Variants in ENTREP1 observed in about 807,000 individuals in gnomAD.
ENTREP1 encodes Friedreich ataxia region gene X123.
the ENTREP1 span, among the ~76,000 whole-genome samples, chr9:69,378,756 C>CAA: frequency 8.9e-3 from 1,239 of 139,304 alleles, 19 homozygotes; most frequent in African/African-American, 0.029. Context: ...GACTTTGTCT[C>CAA]AAAAAAAAAA....
chr9:69,383,023 G>A, the ENTREP1 span: 7 of 983,922 alleles, frequency 7.1e-6, no homozygotes, highest in African/African-American at 1.7e-5. Flanking sequence ...TTCTGTCAAC[G>A]TTGGTGAAAA....
chr9:69,347,269 A>T, the ENTREP1 span, among the ~76,000 whole-genome samples: 1 of 152,224 alleles, frequency 6.6e-6, no homozygotes, highest in African/African-American at 2.4e-5. Flanking sequence ...GAAGCTCAGC[A>T]GTAGGTATCT....
chr9:69,366,385 G>GTT, the ENTREP1 span, among the ~76,000 whole-genome samples: 211 of 139,556 alleles, frequency 1.5e-3, no homozygotes, highest in Admixed American at 2.9e-3. Flanking sequence ...TCCAACTGGG[G>GTT]TTTTTTTTTT....
At chr9:69,383,369 A>G in the ENTREP1 span, 35 of 1,245,364 alleles carry the variant, frequency 2.8e-5, no homozygotes, top group South Asian at 1.9e-5. Context: ...CTGTGTCTCT[A>G]TGGATTGTTT....
At chr9:69,391,641 A>G in the ENTREP1 span, 2 of 1,614,056 alleles carry the variant, frequency 1.2e-6, no homozygotes, top group African/African-American at 1.3e-5. Flanking sequence ...AGGGCCCACA[A>G]GCTGCCCTCG....
At chr9:69,374,141 G>A in the ENTREP1 span, among the ~76,000 whole-genome samples, 4 of 152,070 alleles carry the variant, frequency 2.6e-5, no homozygotes, top group East Asian at 7.7e-4. Context: ...GACTTATTTT[G>A]CCCAGTGTAA....
At chr9:69,353,216 A>G in the ENTREP1 span, among the ~76,000 whole-genome samples, 10 of 152,224 alleles carry the variant, frequency 6.6e-5, no homozygotes, top group Non-Finnish European at 1.2e-4. Context: ...CTCTCTCAGA[A>G]TGAAGTTCAC....
the ENTREP1 span, among the ~76,000 whole-genome samples, chr9:69,344,219 G>C: frequency 6.6e-6 from 1 of 152,184 alleles, no homozygotes; most frequent in African/African-American, 2.4e-5. Flanking sequence ...AAATTCATGT[G>C]TTGTCATGAA....
the ENTREP1 span, among the ~76,000 whole-genome samples, chr9:69,366,301 C>G: frequency 1.3e-5 from 2 of 150,864 alleles, no homozygotes; most frequent in African/African-American, 4.9e-5. Flanking sequence ...TTTTCACAAC[C>G]CTGTTAACCA....
chr9:69,391,703 T>G, the ENTREP1 span: 1 of 1,614,016 alleles, frequency 6.2e-7, no homozygotes, highest in Non-Finnish European at 8.5e-7. Context: ...CCTTCACACC[T>G]TCACACCAGC....
the ENTREP1 span, among the ~76,000 whole-genome samples, chr9:69,375,124 C>T: frequency 6.6e-6 from 1 of 152,204 alleles, no homozygotes; most frequent in African/African-American, 2.4e-5. Context: ...TCCAGAGGTG[C>T]CAGGTAGCTG....
the ENTREP1 span, chr9:69,392,206 C>T: frequency 4.6e-6 from 1 of 215,898 alleles, no homozygotes; most frequent in Admixed American, 5.2e-5. Context: ...TTATAGTTGC[C>T]TTTGGCCTTT....
At chr9:69,363,042 A>G in the ENTREP1 span, among the ~76,000 whole-genome samples, 1,214 of 152,222 alleles carry the variant, frequency 8.0e-3, 8 homozygotes, top group Middle Eastern at 0.041. Context: ...AAATACACGC[A>G]TGTCGCCAGT....
At chr9:69,328,319 T>C in the ENTREP1 span, among the ~76,000 whole-genome samples, 3 of 152,242 alleles carry the variant, frequency 2.0e-5, no homozygotes, top group Non-Finnish European at 2.9e-5. Flanking sequence ...TTCCAATGTG[T>C]GTATTTTTAT....
At chr9:69,379,940 T>C in the ENTREP1 span, 2 of 152,248 alleles carry the variant, frequency 1.3e-5, no homozygotes, top group African/African-American at 4.8e-5. Context: ...ATTTCCACTC[T>C]TTAAGATCTA....
the ENTREP1 span, among the ~76,000 whole-genome samples, chr9:69,367,304 C>T: frequency 7.2e-5 from 11 of 151,784 alleles, no homozygotes; most frequent in South Asian, 2.1e-3. Flanking sequence ...AATGTGATGC[C>T]TCCAGCTTTT....
the ENTREP1 span, among the ~76,000 whole-genome samples, chr9:69,327,929 T>TTAAC: frequency 0.71 from 107,769 of 151,722 alleles, 38,721 homozygotes; most frequent in South Asian, 0.8. Context: ...TATAGAACAA[T>TTAAC]TAAATACAAA....
chr9:69,376,576 T>A, the ENTREP1 span, among the ~76,000 whole-genome samples: 1 of 152,092 alleles, frequency 6.6e-6, no homozygotes. Context: ...CTTCTGCCGG[T>A]TTTCTTTAGA....
At chr9:69,377,584 TG>T in the ENTREP1 span, 1 of 1,612,964 alleles carries the variant, frequency 6.2e-7, no homozygotes, top group South Asian at 1.1e-5. Context: ...TGAAGGCTGT[TG>T]ACTAACTGAG....
Sources: gnomAD v4.1 joint callset for allele counts (sites outside exome capture counted in the v4.1 genomes callset) on GRCh38, gnomAD v4.1.1 for gene constraint, MANE v1.5 for transcripts, NCBI Gene and HGNC (gene_info 2026-07-23, HGNC 2026-07-21) for gene names.